CARMIL1: variants seen among roughly 807,000 people sequenced by gnomAD.
CARMIL1 encodes the protein F-actin-uncapping protein LRRC16A.
CARMIL1 carries 90 observed loss-of-function variants against 177.1 expected under a neutral mutation model. The observed-to-expected ratio is 0.51, with a 90% CI of 0.43 to 0.61. The LOEUF is 0.61. Ranked by LOEUF, CARMIL1 falls within the 20% of genes least tolerant of loss-of-function variation. The pLI, the probability that CARMIL1 is intolerant of heterozygous loss-of-function variation, is 0.00. For missense variants in CARMIL1, 1,380 were observed against 1,667.0 expected (o/e 0.83, Z 3.00); for synonymous variants, 577 against 606.2 (o/e 0.95, Z 0.71).
At chr6:25,464,631 A>C (rs1211191065) in intron 8 of CARMIL1, among the ~76,000 whole-genome samples, 1 of 152,212 alleles carries the variant, frequency 6.6e-6, no homozygotes, top group Non-Finnish European at 1.5e-5. Flanking sequence ...AAAGCTAAAA[A>C]ACTGAAGTAG....
chr6:25,279,789 G>C lies in CARMIL1; in HGVS notation c.-7G>C, dbSNP rs1471425573. 6.2e-7 allele frequency: 1 copy of C among 1,613,860 alleles called. No homozygotes were observed. The highest frequency in any genetic ancestry group is 1.7e-5 in the Admixed American group (1 of 60,030). The stretch of plus-strand genomic sequence containing the variant: ...CCTGCAATAACCCCCACACCTACAG[G>C]GCAACCATGACCGAGGAGAGCTCTG... On this transcript the variant is annotated 5_prime_UTR_variant, in exon 1 of 37. Transcript: ENST00000329474.
At chr6:25,290,990 T>C (rs1053983869) in intron 2 of CARMIL1, among the ~76,000 whole-genome samples, 2 of 152,136 alleles carry the variant, frequency 1.3e-5, no homozygotes, top group African/African-American at 2.4e-5. Flanking sequence ...ATTAATTAAT[T>C]TTTTTTAGAG....
intron 2 of CARMIL1, among the ~76,000 whole-genome samples, chr6:25,352,205 A>G (rs1264234661): frequency 6.6e-6 from 1 of 151,970 alleles, no homozygotes; most frequent in Admixed American, 6.6e-5. Context: ...ATGACCCCAG[A>G]TAACAGGAAC....
intron 2 of CARMIL1, among the ~76,000 whole-genome samples, chr6:25,387,420 A>C (rs574083038): frequency 6.6e-6 from 1 of 152,236 alleles, no homozygotes; most frequent in Non-Finnish European, 1.5e-5. Flanking sequence ...GTTGAACACT[A>C]TGCTCACAGT....
At chr6:25,280,875 A>G in intron 1 of CARMIL1, among the ~76,000 whole-genome samples, 1 of 152,068 alleles carries the variant, frequency 6.6e-6, no homozygotes, top group Non-Finnish European at 1.5e-5. Context: ...GCTGACAACA[A>G]GAGGAAGTTC....
chr6:25,456,873 G>C (rs943493622), intron 8 of CARMIL1, among the ~76,000 whole-genome samples: 1 of 152,094 alleles, frequency 6.6e-6, no homozygotes, highest in South Asian at 2.1e-4. Flanking sequence ...TTACTGATCA[G>C]GGTGACATTC....
intron 2 of CARMIL1, among the ~76,000 whole-genome samples, chr6:25,343,153 G>A (rs368597428): frequency 9.2e-5 from 14 of 152,240 alleles, no homozygotes; most frequent in Middle Eastern, 3.4e-3. Flanking sequence ...ACTCTAAAGC[G>A]GTGTGTGTTT....
At chr6:25,547,801 G>C (rs527431460) in intron 26 of CARMIL1, among the ~76,000 whole-genome samples, 65 of 152,304 alleles carry the variant, frequency 4.3e-4, no homozygotes, top group Middle Eastern at 3.4e-3. Flanking sequence ...ATGGGTAAAA[G>C]TCACTAACTT....
At chr6:25,579,548 G>C (rs534938561) in intron 29 of CARMIL1, among the ~76,000 whole-genome samples, 2 of 152,276 alleles carry the variant, frequency 1.3e-5, no homozygotes, top group East Asian at 3.9e-4. Context: ...CTAACTTTGG[G>C]GAGAACTGCC....
intron 2 of CARMIL1, among the ~76,000 whole-genome samples, chr6:25,316,065 A>G (rs1209428996): frequency 6.6e-6 from 1 of 152,240 alleles, no homozygotes; most frequent in Non-Finnish European, 1.5e-5. Flanking sequence ...TGCCATTATT[A>G]GTAATGACGT....
intron 33 of CARMIL1, among the ~76,000 whole-genome samples, chr6:25,603,946 T>C (rs968643913): frequency 6.6e-6 from 1 of 152,164 alleles, no homozygotes; most frequent in African/African-American, 2.4e-5. Flanking sequence ...CATCTGTATT[T>C]ACCTCCTAAA....
At chr6:25,460,975 C>T (rs1274382430) in intron 8 of CARMIL1, among the ~76,000 whole-genome samples, 1 of 152,196 alleles carries the variant, frequency 6.6e-6, no homozygotes, top group African/African-American at 2.4e-5. Flanking sequence ...CCCTCCTTCT[C>T]CGCTTGCCCC....
At chr6:25,485,060 A>G (rs1802495668) in intron 12 of CARMIL1, among the ~76,000 whole-genome samples, 1 of 152,160 alleles carries the variant, frequency 6.6e-6, no homozygotes, top group Admixed American at 6.5e-5. Flanking sequence ...AAACAAAAAA[A>G]TGATTATATT....
chr6:25,522,406 C>T (rs1237998738), intron 23 of CARMIL1, among the ~76,000 whole-genome samples: 1 of 152,168 alleles, frequency 6.6e-6, no homozygotes, highest in Non-Finnish European at 1.5e-5. Flanking sequence ...TTTGACCTGT[C>T]TCAAGGAACT....
chr6:25,410,966 C>G (rs1794848372), intron 2 of CARMIL1, among the ~76,000 whole-genome samples: 1 of 152,152 alleles, frequency 6.6e-6, no homozygotes, highest in Admixed American at 6.5e-5. Context: ...TCATCTTTAG[C>G]TAGAATTGGG....
At chr6:25,460,034 TTAA>T (rs1799996161) in intron 8 of CARMIL1, among the ~76,000 whole-genome samples, 1 of 152,232 alleles carries the variant, frequency 6.6e-6, no homozygotes, top group Non-Finnish European at 1.5e-5. Flanking sequence ...GAGAAATCAG[TTAA>T]TATGACAATG....
At chr6:25,600,164 T>C (rs936556002) in intron 32 of CARMIL1, 150 bp from the exon 33 acceptor site, 4 of 667,382 alleles carry the variant, frequency 6.0e-6, no homozygotes, top group African/African-American at 3.6e-5. Flanking sequence ...CCTTTCTGTT[T>C]CCTAAGGGCG....
At chr6:25,306,383 G>T (rs1406923718) in intron 2 of CARMIL1, among the ~76,000 whole-genome samples, 3 of 152,114 alleles carry the variant, frequency 2.0e-5, no homozygotes, top group Non-Finnish European at 4.4e-5. Flanking sequence ...ATAGTTACGA[G>T]AACCCTGTTG....
chr6:25,450,141 CAAAAGTCCTATATTTA>C (rs1305439041), intron 6 of CARMIL1, 146 bp downstream of exon 6: 1 of 760,512 alleles, frequency 1.3e-6, no homozygotes, highest in East Asian at 2.7e-5. Context: ...GATTGGTGGA[CAAAAGTCCTATATTTA>C]AGCTGTATTG....
Sources: allele counts gnomAD v4.1 joint callset (sites outside exome capture counted in the v4.1 genomes callset), GRCh38; gene constraint gnomAD v4.1.1; transcripts MANE v1.5; gene names NCBI Gene and HGNC (gene_info 2026-07-23, HGNC 2026-07-21).